The following CFAP77 variants were observed in gnomAD, a reference collection of about 807,000 sequenced individuals.
CFAP77 encodes the protein cilia and flagella associated protein 77, also known as cilia- and flagella-associated protein 77.
A neutral mutation model predicts 31.1 loss-of-function variants in CFAP77; 25 were observed. The ratio of observed to expected loss-of-function variants is 0.80; its 90% CI spans 0.59 to 1.12. The LOEUF (loss-of-function observed/expected upper bound fraction) is 1.12, where lower values mean the gene tolerates loss of function less well. Ranked by LOEUF, CFAP77 falls within the 50% of genes most tolerant of loss-of-function variation. CFAP77 has a pLI of 0.00. For synonymous variants in CFAP77, 151 were observed against 159.9 expected (o/e 0.94, Z 0.42); for missense variants, 377 against 397.3 (o/e 0.95, Z 0.44).
chr9:132,430,434 C>T (rs2078779979), intron 1 of CFAP77, among the ~76,000 whole-genome samples: 1 of 152,074 alleles, frequency 6.6e-6, no homozygotes, highest in African/African-American at 2.4e-5. Flanking sequence ...AAGATAGTTA[C>T]ATTTATCCCC....
At chr9:132,542,325 G>A (rs1318087980) in intron 4 of CFAP77, among the ~76,000 whole-genome samples, 1 of 152,220 alleles carries the variant, frequency 6.6e-6, no homozygotes, top group African/African-American at 2.4e-5. Flanking sequence ...AGTCTTTTGG[G>A]TCAGTCTAGA....
At chr9:132,502,287 G>T (rs201623097) in intron 3 of CFAP77, among the ~76,000 whole-genome samples, 15,797 of 147,680 alleles carry the variant, frequency 0.11, 1,102 homozygotes, top group African/African-American at 0.18. Flanking sequence ...TGGGGGAGGG[G>T]GGTGGTAGTT....
chr9:132,457,620 G>T (rs1850943539), intron 1 of CFAP77, among the ~76,000 whole-genome samples: 1 of 152,222 alleles, frequency 6.6e-6, no homozygotes, highest in Middle Eastern at 3.2e-3. Flanking sequence ...TCGCCTTGTT[G>T]CTGGAATCTG....
rs1159684482 is a variant in CFAP77 at position 132,561,658 on chromosome 9, CA to C, written c.733-10729del. 2.7e-3 allele frequency among the ~76,000 whole-genome samples: 181 copies of C among 68,130 alleles called. 1 individual carries two copies. The highest frequency in any genetic ancestry group is 3.7e-3 in the Non-Finnish European group (130 of 35,360). The allele number at this position is 68,130 out of a possible 152,430, so 44.7% of individuals were successfully genotyped here. Reference sequence around the variant, plus strand: ...ACACACACACACACACACACACACACACACCCCCTCCATGTGTCTCTGGGAT... The same window carrying C: ...ACACACACACACACACACACACACACCACCCCCTCCATGTGTCTCTGGGAT... On this transcript the variant is annotated intron_variant, in intron 5 of 5. Coordinates refer to ENST00000393216, the MANE Select transcript of CFAP77 (RefSeq NM_001282957.2).
rs1262426858 is a variant in CFAP77 at position 132,552,037 on chromosome 9, C to T, written c.732+8990C>T. ...GGGCATCTTTTAAATTGCAGTTTGG[C>T]CCCAAGGCTAAAAAGGAAAGAGGCG... On this transcript the variant is annotated intron_variant, in intron 5 of 5. Coordinates refer to ENST00000393216, the MANE Select transcript of CFAP77 (RefSeq NM_001282957.2). The surrounding 1 kb of genome is among the most constrained non-coding windows in gnomAD (Gnocchi z 5.5). Among the ~76,000 whole-genome samples the T allele has an allele frequency of 6.6e-6, 1 of 152,234 alleles. No homozygotes were observed. The highest frequency in any genetic ancestry group is 2.4e-5 in the African/African-American group (1 of 41,462).
In CFAP77 at chr9:132,542,942, A is replaced by G. The variant is rs56229164; in HGVS notation, c.631-4A>G. The G allele has an allele frequency of 0.051, 82,125 of 1,613,382 alleles. 5,600 individuals are homozygous for G. Among genetic ancestry groups the G allele is most frequent in the African/African-American group, 0.32 (24,076 of 74,922 alleles). On this transcript the variant is annotated splice_polypyrimidine_tract_variant and splice_region_variant and intron_variant, in intron 4 of 5. Coordinates refer to ENST00000393216, the MANE Select transcript of CFAP77 (RefSeq NM_001282957.2). ...TCTCACCTTTGCCTTTCCCTGGCCT[A>G]CAGGTGGTCCTTGGGAAGCTGTATG...
At chr9:132,432,126 G>A (rs568547077) in intron 1 of CFAP77, among the ~76,000 whole-genome samples, 22 of 152,158 alleles carry the variant, frequency 1.4e-4, no homozygotes, top group Admixed American at 4.6e-4. Context: ...CAGATGTCTC[G>A]CTGGAAACAC....
chr9:132,433,385 G>C (rs1433838336), intron 1 of CFAP77, among the ~76,000 whole-genome samples: 3 of 152,036 alleles, frequency 2.0e-5, no homozygotes, highest in African/African-American at 7.2e-5. Context: ...TCTGTGAGTC[G>C]TGATTATGCC....
intron 1 of CFAP77, among the ~76,000 whole-genome samples, chr9:132,449,536 A>G (rs1850788059): frequency 6.6e-6 from 1 of 152,146 alleles, no homozygotes; most frequent in Non-Finnish European, 1.5e-5. Flanking sequence ...TTCATTGCCA[A>G]GAAGTTTTCC....
At chr9:132,520,574 G>C (rs10901182) in intron 3 of CFAP77, among the ~76,000 whole-genome samples, 12,429 of 152,244 alleles carry the variant, frequency 0.082, 969 homozygotes, top group East Asian at 0.43. Flanking sequence ...GAGTCTGGGA[G>C]ATTAAAGCTG....
At chr9:132,518,659 C>T (rs1242008876) in intron 3 of CFAP77, among the ~76,000 whole-genome samples, 2 of 152,182 alleles carry the variant, frequency 1.3e-5, no homozygotes, top group Non-Finnish European at 2.9e-5. Flanking sequence ...GGATCAGGCC[C>T]ATCTCCAGCT....
chr9:132,525,269 G>A (rs574991629), intron 3 of CFAP77, among the ~76,000 whole-genome samples: 196 of 151,624 alleles, frequency 1.3e-3, no homozygotes, highest in African/African-American at 4.5e-3. Context: ...ATCCACCCGC[G>A]TTGGCCTCCT....
chr9:132,419,753 C>T (rs1275246611), intron 1 of CFAP77, among the ~76,000 whole-genome samples: 1 of 151,972 alleles, frequency 6.6e-6, no homozygotes, highest in African/African-American at 2.4e-5. Flanking sequence ...ATTTATTGAA[C>T]ACCTACAATG....
At position 132,535,645 on chromosome 9, in the gene CFAP77, A is replaced by G. The variant is rs770260444; in HGVS notation, c.525-1956A>G. On this transcript the variant is annotated intron_variant, in intron 3 of 5. Coordinates refer to ENST00000393216, the MANE Select transcript of CFAP77 (RefSeq NM_001282957.2). ...GGAGAATCACTTGAACCTGGGAGGC[A>G]AGGTTGCAGTGAGCTGAGATTGCAT... is the stretch of plus-strand genomic sequence containing the variant. 9.1e-4 allele frequency among the ~76,000 whole-genome samples: 139 copies of G among 152,076 alleles called. 1 individual carries two copies. Among genetic ancestry groups the G allele is most frequent in the Non-Finnish European group, 1.8e-3 (121 of 68,004 alleles).
chr9:132,512,576 T>G (rs1852058567), intron 3 of CFAP77, among the ~76,000 whole-genome samples: 1 of 152,194 alleles, frequency 6.6e-6, no homozygotes, highest in Non-Finnish European at 1.5e-5. Flanking sequence ...TACAATGGCT[T>G]CCCCTGGAGT....
intron 1 of CFAP77, among the ~76,000 whole-genome samples, chr9:132,428,852 G>T (rs1372073193): frequency 6.6e-6 from 1 of 152,046 alleles, no homozygotes; most frequent in Non-Finnish European, 1.5e-5. Flanking sequence ...ACCAGGCTGC[G>T]ATGGTGTTGG....
At chr9:132,531,472 C>G (rs1245028350) in intron 3 of CFAP77, among the ~76,000 whole-genome samples, 1 of 152,126 alleles carries the variant, frequency 6.6e-6, no homozygotes, top group African/African-American at 2.4e-5. Context: ...AAAGGGGAAG[C>G]TGAGTGTGTG....
chr9:132,560,475 A>G (rs557857368), intron 5 of CFAP77, among the ~76,000 whole-genome samples: 29 of 152,344 alleles, frequency 1.9e-4, no homozygotes, highest in Non-Finnish European at 4.1e-4. Flanking sequence ...AAACAGCTTC[A>G]TTGTTCAATT....
intron 1 of CFAP77, among the ~76,000 whole-genome samples, chr9:132,422,687 CCAGGGACA>C (rs1850239608): frequency 6.6e-6 from 1 of 152,106 alleles, no homozygotes; most frequent in Non-Finnish European, 1.5e-5. Flanking sequence ...AAGTCAGAGG[CCAGGGACA>C]CCTGCAGGGG....
Sources: allele counts gnomAD v4.1 joint callset (sites outside exome capture counted in the v4.1 genomes callset), GRCh38; gene constraint gnomAD v4.1.1; non-coding constraint Gnocchi (gnomAD v3.1); transcripts MANE v1.5; gene names NCBI Gene and HGNC (gene_info 2026-07-23, HGNC 2026-07-21).